Variants in YIPF4 observed in about 807,000 individuals in gnomAD.
The protein encoded by YIPF4 is Yip1 domain family member 4, also known as protein YIPF4.
A neutral mutation model predicts 29.4 loss-of-function variants in YIPF4; 18 were observed. The ratio of observed to expected loss-of-function variants is 0.61; its 90% CI spans 0.42 to 0.91. The LOEUF is 0.91. Among genes scored for constraint, YIPF4 ranks in the 40% least tolerant of loss-of-function variants. YIPF4 has a pLI of 0.00. For synonymous variants in YIPF4, 115 were observed against 104.7 expected, an observed-to-expected ratio of 1.10 and a Z score of -0.60; for missense variants, 279 against 282.7, an observed-to-expected ratio of 0.99 and a Z score of 0.09.
intron 3 of YIPF4, among the ~76,000 whole-genome samples, chr2:32,293,657 G>A (rs2031020099): frequency 6.6e-6 from 1 of 152,136 alleles, no homozygotes; most frequent in Non-Finnish European, 1.5e-5. Context: ...TCACTTCCCA[G>A]TAGGGGAGGC....
intron 3 of YIPF4, among the ~76,000 whole-genome samples, chr2:32,294,478 G>A (rs2031086110): frequency 6.6e-6 from 1 of 152,010 alleles, no homozygotes; most frequent in African/African-American, 2.4e-5. Flanking sequence ...GGGCGGCCGG[G>A]CAGAGACGCT....
At chr2:32,300,055 T>C (rs2031341533) in intron 4 of YIPF4, among the ~76,000 whole-genome samples, 1 of 151,892 alleles carries the variant, frequency 6.6e-6, no homozygotes, top group South Asian at 2.1e-4. Flanking sequence ...TCACCTGAGG[T>C]TGGGAGTTTG....
chr2:32,304,952 C>A (rs1002371483), intron 5 of YIPF4, among the ~76,000 whole-genome samples: 8 of 151,842 alleles, frequency 5.3e-5, no homozygotes, highest in Non-Finnish European at 1.0e-4. Context: ...TCTGCCTATT[C>A]CTGGGAAAAA....
rs1258306050 is a variant in YIPF4 at position 32,278,033 on chromosome 2, C to A, written c.-123C>A. On this transcript the variant is annotated 5_prime_UTR_variant, in exon 1 of 6. Transcript: ENST00000238831. ...TGCCCGTTTCTGGCCTCGCTCGCAG[C>A]TTGCACGTCGAGACTCGTAGGCCGC... 1 of 802,462 alleles carries A rather than the reference C, an allele frequency of 1.2e-6. No homozygotes were observed. Among genetic ancestry groups the A allele is most frequent in the Non-Finnish European group, 1.9e-6 (1 of 527,472 alleles). 49.7% of individuals were successfully genotyped at this position (802,462 alleles called of 1,614,324 possible).
chr2:32,298,401 C>T (rs766610536), intron 4 of YIPF4, 90 bp downstream of exon 4: 12 of 929,098 alleles, frequency 1.3e-5, no homozygotes, highest in Non-Finnish European at 2.0e-5. Context: ...ATACAAGAAA[C>T]TTTCTTGTCC....
chr2:32,293,462 C>A lies in YIPF4; in HGVS notation c.405+1114C>A, dbSNP rs904088648. Among the ~76,000 whole-genome samples the A allele has an allele frequency of 3.5e-4, 53 of 152,230 alleles. 1 individual carries two copies. Among genetic ancestry groups the A allele is most frequent in the African/African-American group, 1.2e-3 (51 of 41,464 alleles). The stretch of plus-strand genomic sequence containing the variant: ...CAGAAGAATTTTTCTTAGTACAGAA[C>A]AAAATGAAGTGTCTCCCATGTCTAC... On this transcript the variant is annotated intron_variant, in intron 3 of 5. Transcript: ENST00000238831.
intron 1 of YIPF4, among the ~76,000 whole-genome samples, chr2:32,280,869 G>A (rs1433685896): frequency 2.6e-5 from 4 of 152,108 alleles, no homozygotes; most frequent in African/African-American, 9.7e-5. Flanking sequence ...TGCTTAGGGA[G>A]GAATATCAAC....
At chr2:32,283,229 T>C (rs917670623) in intron 1 of YIPF4, among the ~76,000 whole-genome samples, 3 of 152,188 alleles carry the variant, frequency 2.0e-5, no homozygotes, top group African/African-American at 7.2e-5. Flanking sequence ...ACTTTTTTTT[T>C]ATTGTTTTCC....
chr2:32,294,149 C>T (rs1252589410), intron 3 of YIPF4, among the ~76,000 whole-genome samples: 2 of 150,562 alleles, frequency 1.3e-5, no homozygotes, highest in African/African-American at 4.9e-5. Flanking sequence ...CCAGACGGGT[C>T]GGCTGGCCTG....
At chr2:32,278,820 C>G (rs1255890471) in intron 1 of YIPF4, among the ~76,000 whole-genome samples, 1 of 152,010 alleles carries the variant, frequency 6.6e-6, no homozygotes, top group Non-Finnish European at 1.5e-5. Flanking sequence ...TAGTGTAAAC[C>G]AACAATGTGT....
At chr2:32,284,576 C>T (rs927518225) in intron 1 of YIPF4, among the ~76,000 whole-genome samples, 2 of 152,118 alleles carry the variant, frequency 1.3e-5, no homozygotes, top group South Asian at 2.1e-4. Context: ...TGCAATCTGC[C>T]GTGATTGTAA....
chr2:32,295,121 C>T (rs764689575), intron 3 of YIPF4, among the ~76,000 whole-genome samples: 23 of 151,918 alleles, frequency 1.5e-4, no homozygotes, highest in Non-Finnish European at 3.1e-4. Flanking sequence ...TTAAAATGAC[C>T]GTTACTTTAA....
At chr2:32,302,230 C>A (rs1343101592) in intron 5 of YIPF4, among the ~76,000 whole-genome samples, 1 of 151,210 alleles carries the variant, frequency 6.6e-6, no homozygotes, top group Admixed American at 6.6e-5. Flanking sequence ...AGGGTTTCAC[C>A]GTATTGTCCA....
rs1255810371 is a variant in YIPF4, at chr2:32,309,212, T to C, written c.*3586T>C. 2 of 152,104 alleles carry C rather than the reference T, an allele frequency of 1.3e-5. No homozygotes were observed. The highest frequency in any genetic ancestry group is 2.9e-5 in the Non-Finnish European group (2 of 68,018). 9.4% of individuals were successfully genotyped at this position (152,104 alleles called of 1,614,324 possible). A position where few individuals can be genotyped will look rare whatever the true frequency, so the allele number is the denominator to read the frequency against. ...ATTCCCCAAATACTCATACAGCCAT[T>C]GAGCACCCCAATCCAAAATTCAGAA... On this transcript the variant is annotated 3_prime_UTR_variant, in exon 6 of 6. Transcript: ENST00000238831.
Position 32,278,015 on chromosome 2 carries a change from T to A in YIPF4, c.-141T>A. 1 of 689,288 alleles carries A rather than the reference T, an allele frequency of 1.5e-6. No individual in the cohort carries two copies. Among genetic ancestry groups the A allele is most frequent in the Non-Finnish European group, 2.3e-6 (1 of 430,324 alleles). The allele number at this position is 689,288 out of a possible 1,614,324, so 42.7% of individuals were successfully genotyped here. A position where few individuals can be genotyped will look rare whatever the true frequency, so the allele number is the denominator to read the frequency against. ...CAGCTCAGCGGCCCGCTGTGCCCGT[T>A]TCTGGCCTCGCTCGCAGCTTGCACG... On this transcript the variant is annotated 5_prime_UTR_variant, in exon 1 of 6. Coordinates refer to ENST00000238831, the MANE Select transcript of YIPF4 (RefSeq NM_032312.4).
chr2:32,294,354 G>A (rs1192867419), intron 3 of YIPF4, among the ~76,000 whole-genome samples: 1 of 151,932 alleles, frequency 6.6e-6, no homozygotes, highest in African/African-American at 2.4e-5. Flanking sequence ...CTCAGACAGG[G>A]CGGCTGGGCA....
intron 1 of YIPF4, among the ~76,000 whole-genome samples, chr2:32,280,279 C>T (rs893007716): frequency 6.6e-6 from 1 of 151,612 alleles, no homozygotes; most frequent in South Asian, 2.1e-4. Context: ...AGGTGCCAGC[C>T]ACCACACCCA....
chr2:32,289,443 G>C (rs1172233735), intron 1 of YIPF4, among the ~76,000 whole-genome samples: 1 of 152,170 alleles, frequency 6.6e-6, no homozygotes, highest in Non-Finnish European at 1.5e-5. Context: ...CTTTGGTATT[G>C]GTTGGACATG....
rs541639368 is a variant in YIPF4 at position 32,298,440 on chromosome 2, G to T, written c.483+129G>T. ...AATTGCTTTATGCTAGTTCCTTTAA[G>T]ATGATCAACATATTAGTATTGTGCT... On this transcript the variant is annotated intron_variant, in intron 4 of 5. Coordinates refer to ENST00000238831, the MANE Select transcript of YIPF4 (RefSeq NM_032312.4). The T allele has an allele frequency of 1.1e-5, 7 of 633,674 alleles. No homozygotes were observed. In the South Asian group the frequency reaches 1.5e-4, roughly 14 times the overall value. 39.3% of individuals were successfully genotyped at this position (633,674 alleles called of 1,614,324 possible).
Sources: gnomAD v4.1 joint callset for allele counts (sites outside exome capture counted in the v4.1 genomes callset) on GRCh38, gnomAD v4.1.1 for gene constraint, MANE v1.5 for transcripts, NCBI Gene and HGNC (gene_info 2026-07-23, HGNC 2026-07-21) for gene names.